Variants in SH3TC2 observed in about 807,000 individuals in gnomAD.
The protein encoded by SH3TC2 is SH3 domain and tetratricopeptide repeats 2.
SH3TC2 carries 87 observed loss-of-function variants against 124.5 expected under a neutral mutation model. The ratio of observed to expected loss-of-function variants is 0.70; its 90% confidence interval spans 0.59 to 0.84. The LOEUF is 0.84. Ranked by LOEUF, SH3TC2 falls within the 40% of genes least tolerant of loss-of-function variation. The pLI is 0.00. For synonymous variants in SH3TC2, 634 were observed against 628.5 expected (o/e 1.01, Z -0.13); for missense variants, 1,536 against 1,566.4 (o/e 0.98, Z 0.33).
rs571409696 is a variant in SH3TC2, at chr5:149,006,946, T to C, written c.3610A>G (p.Lys1204Glu). 38 of 1,613,958 alleles carry C rather than the reference T, an allele frequency of 2.4e-5. No homozygotes were observed. Among genetic ancestry groups the C allele is most frequent in the Non-Finnish European group, 3.1e-5 (37 of 1,179,998 alleles). Residue 1204 changes from lysine (K) to glutamate (E), a missense_variant, in exon 16 of 17, where the codon AAG becomes GAG. By Grantham distance (56) the Lys-to-Glu change is moderately conservative. Coordinates refer to ENST00000515425, the MANE Select transcript of SH3TC2 (RefSeq NM_024577.4). ...ACCTTGGCATAGTACAGGGCCTCCTTGGGACTCTGCAGCCATGGTGGACAG... is the reference window on the plus strand; with the variant it reads ...ACCTTGGCATAGTACAGGGCCTCCTCGGGACTCTGCAGCCATGGTGGACAG... ...SLCPPWLQSP[K>E]EALYYAKVYY...
chr5:149,035,140 T>C (rs1382710463), intron 8 of SH3TC2, among the ~76,000 whole-genome samples: 1 of 152,144 alleles, frequency 6.6e-6, no homozygotes, highest in Non-Finnish European at 1.5e-5. Context: ...AATGGCAAAA[T>C]TATTAGTGTC....
intron 8 of SH3TC2, 140 bp downstream of exon 8, chr5:149,038,155 A>G: frequency 1.4e-6 from 1 of 713,690 alleles, no homozygotes; most frequent in Admixed American, 2.4e-5. Flanking sequence ...TCTCTGTATC[A>G]ACCTTGGTGT....
rs1753644312 is a variant in SH3TC2, at chr5:149,004,265, G to T, written c.*446C>A. The T allele has an allele frequency of 1.1e-5, 2 of 186,476 alleles. No homozygotes were observed. The highest frequency in any genetic ancestry group is 2.3e-5 in the Non-Finnish European group (2 of 88,010). The allele number at this position is 186,476 out of a possible 1,614,324, so 11.6% of individuals were successfully genotyped here. A position where few individuals can be genotyped will look rare whatever the true frequency, so the allele number is the denominator to read the frequency against. ...AAGAAAGAAATGGAAAAAACTACAG[G>T]TTCCTCTGCTGGCAAGGGGAAGGGG... On this transcript the variant is annotated 3_prime_UTR_variant, in exon 17 of 17. Transcript: ENST00000515425.
rs773827556 is a variant in SH3TC2 at position 149,000,010 on chromosome 5, TTAAG to T, written c.*4697_*4700del. Among the ~76,000 whole-genome samples the T allele has an allele frequency of 1.3e-5, 2 of 152,158 alleles. No homozygotes were observed. Among genetic ancestry groups the T allele is most frequent in the African/African-American group, 4.8e-5 (2 of 41,434 alleles). ...CCAACCTGCTGGTCTGCAGTTAGAA[TTAAG>T]TAAGTGTCCCTTTCAGAACTCAGTT... On this transcript the variant is annotated 3_prime_UTR_variant, in exon 17 of 17. Coordinates refer to ENST00000515425, the MANE Select transcript of SH3TC2 (RefSeq NM_024577.4).
In SH3TC2 at chr5:149,047,807, G is replaced by A. The variant is rs748705394; in HGVS notation, c.279+55C>T. 5.0e-6 allele frequency: 8 copies of A among 1,609,256 alleles called. No individual in the cohort carries two copies. The South Asian group carries it at 7.7e-5, about 16-fold the overall frequency. On this transcript the variant is annotated intron_variant, in intron 3 of 16. Transcript: ENST00000515425. ...TGCTGTCTTAGATGCTAGGGATCCT[G>A]TAGCAGACTGACACAAGTCAGTACT...
intron 13 of SH3TC2, among the ~76,000 whole-genome samples, chr5:149,011,884 T>C (rs1479322995): frequency 2.0e-5 from 3 of 152,226 alleles, no homozygotes; most frequent in Admixed American, 2.0e-4. Context: ...TAAAATATAA[T>C]GTATTAAACA....
chr5:149,016,919 C>A (rs548543341), intron 12 of SH3TC2, among the ~76,000 whole-genome samples: 196 of 130,870 alleles, frequency 1.5e-3, no homozygotes, highest in African/African-American at 5.6e-3. Context: ...GGCGAGACTC[C>A]GTCTCAAAAA....
At chr5:149,019,729 C>G (rs1482352389) in intron 12 of SH3TC2, among the ~76,000 whole-genome samples, 1 of 152,172 alleles carries the variant, frequency 6.6e-6, no homozygotes, top group East Asian at 1.9e-4. Flanking sequence ...ACGGCGGAAT[C>G]TTGTTACGAA....
chr5:149,044,725 C>T (rs1283114515), intron 3 of SH3TC2, 87 bp from the exon 4 acceptor site: 2 of 962,886 alleles, frequency 2.1e-6, no homozygotes, highest in Non-Finnish European at 3.3e-6. Flanking sequence ...TCTGTATGAA[C>T]TTCTTGATTA....
rs200849900 is a variant in SH3TC2 at position 148,996,285 on chromosome 5, GA to G, written c.*8425del. Among the ~76,000 whole-genome samples the G allele has an allele frequency of 8.0e-3, 1,219 of 151,900 alleles. 11 individuals carry two copies. The highest frequency in any genetic ancestry group is 0.026 in the African/African-American group (1,072 of 41,432). ...AATAAGAGAGAAAGAGAGAGAGAGA[GA>G]GAAACAGACAGATGGACTTTATACA... On this transcript the variant is annotated 3_prime_UTR_variant, in exon 17 of 17. Coordinates refer to ENST00000515425, the MANE Select transcript of SH3TC2 (RefSeq NM_024577.4).
At chr5:149,045,921 A>C (rs1289716321) in intron 3 of SH3TC2, 2 of 395,258 alleles carry the variant, frequency 5.1e-6, no homozygotes, top group South Asian at 1.8e-5. Flanking sequence ...CTGGGATTAC[A>C]GGCGTGAGCC....
intron 8 of SH3TC2, among the ~76,000 whole-genome samples, chr5:149,034,145 G>A (rs1171458841): frequency 6.6e-6 from 1 of 152,116 alleles, no homozygotes; most frequent in Non-Finnish European, 1.5e-5. Context: ...GGAGCACTGT[G>A]AGAAGAAACA....
chr5:149,024,928 T>A (rs923098795), intron 12 of SH3TC2, among the ~76,000 whole-genome samples: 1 of 152,160 alleles, frequency 6.6e-6, no homozygotes, highest in Non-Finnish European at 1.5e-5. Flanking sequence ...AGGATGGCAG[T>A]GGAGTAGGTG....
At chr5:149,046,824 A>T (rs1754471342) in intron 3 of SH3TC2, 1 of 152,178 alleles carries the variant, frequency 6.6e-6, no homozygotes. Context: ...AATTCCAGAT[A>T]TTAAAAAAAA....
chr5:149,004,225 C>T lies in SH3TC2; in HGVS notation c.*486G>A, dbSNP rs569171153. ...ATCCCTGTGAGCATGAGGAGTGATA[C>T]ATACTTTGGTTCTGAAGAAAGAAAT... On this transcript the variant is annotated 3_prime_UTR_variant, in exon 17 of 17. Coordinates refer to ENST00000515425, the MANE Select transcript of SH3TC2 (RefSeq NM_024577.4). The T allele has an allele frequency of 5.3e-6, 1 of 187,626 alleles. No homozygotes were observed. Among genetic ancestry groups the T allele is most frequent in the Admixed American group, 5.4e-5 (1 of 18,630 alleles). 11.6% of individuals were successfully genotyped at this position (187,626 alleles called of 1,614,324 possible).
At position 148,996,031 on chromosome 5, in the gene SH3TC2, C is replaced by T. The variant is rs562534293; in HGVS notation, c.*8680G>A. Reference sequence around the variant, plus strand: ...CTGAGGTGGGTGGATGATTTGAGCCCAGGAGTTTGAGACTAGCATGGGCAA... The same window carrying T: ...CTGAGGTGGGTGGATGATTTGAGCCTAGGAGTTTGAGACTAGCATGGGCAA... On this transcript the variant is annotated 3_prime_UTR_variant, in exon 17 of 17. Transcript: ENST00000515425. Among the ~76,000 whole-genome samples, 1 of 151,356 alleles carries T rather than the reference C, an allele frequency of 6.6e-6. No homozygotes were observed. Among genetic ancestry groups the T allele is most frequent in the Admixed American group, 6.6e-5 (1 of 15,156 alleles).
intron 4 of SH3TC2, chr5:149,043,673 A>G (rs1435957669): frequency 7.0e-6 from 1 of 142,810 alleles, no homozygotes; most frequent in Admixed American, 7.1e-5. Flanking sequence ...AACAGACTCT[A>G]TGTGCTGCCA....
At chr5:149,049,497 T>G (rs1234587857) in intron 2 of SH3TC2, among the ~76,000 whole-genome samples, 1 of 152,254 alleles carries the variant, frequency 6.6e-6, no homozygotes, top group African/African-American at 2.4e-5. Flanking sequence ...CTGGGCGCAG[T>G]GGCTCATGCC....
Position 149,027,944 on chromosome 5 carries a change from A to G in SH3TC2, c.1788T>C (p.Gly596=). The G allele has an allele frequency of 1.2e-6, 2 of 1,614,126 alleles. No homozygotes were observed. Among genetic ancestry groups the G allele is most frequent in the South Asian group, 2.2e-5 (2 of 91,084 alleles). Residue 596 remains glycine, a synonymous_variant, in exon 11 of 17, where the codon GGT becomes GGC. Transcript: ENST00000515425. ...GGTCAGGCAGGCAGGCCAGCAGGGCACCTGCCTTTTCCAACAGGGCGGAGC... is the reference window on the plus strand; with the variant it reads ...GGTCAGGCAGGCAGGCCAGCAGGGCGCCTGCCTTTTCCAACAGGGCGGAGC... ...HKGSALLEKA[G]ALLACLPDRE...
Sources: allele counts gnomAD v4.1 joint callset (sites outside exome capture counted in the v4.1 genomes callset), GRCh38; gene constraint gnomAD v4.1.1; transcripts MANE v1.5; gene names NCBI Gene and HGNC (gene_info 2026-07-23, HGNC 2026-07-21).